Variants in CCAR1 observed in about 807,000 individuals in gnomAD.
CCAR1 encodes the protein cell division cycle and apoptosis regulator 1.
In CCAR1, 78 loss-of-function variants were observed where a neutral mutation model predicts 163.8. That is an observed-to-expected ratio of 0.48 (90% CI 0.40 to 0.57). The LOEUF is 0.57. Among genes scored for constraint, CCAR1 ranks in the 20% least tolerant of loss-of-function variants. CCAR1 has a pLI of 0.00. For synonymous variants in CCAR1, 443 were observed against 460.7 expected, an observed-to-expected ratio of 0.96 and a Z score of 0.49; for missense variants, 1,019 against 1,365.2, an observed-to-expected ratio of 0.75 and a Z score of 4.00.
chr10:68,763,468 G>A (rs1451279694), intron 16 of CCAR1, among the ~76,000 whole-genome samples: 1 of 151,666 alleles, frequency 6.6e-6, no homozygotes, highest in Admixed American at 6.6e-5. Flanking sequence ...TATTTTTTGA[G>A]ACGGAGTCTC....
intron 13 of CCAR1, among the ~76,000 whole-genome samples, chr10:68,755,852 C>CATAT (rs199849483): frequency 0.023 from 3,477 of 152,304 alleles, 52 homozygotes; most frequent in Middle Eastern, 0.044. Context: ...AACTTCATTT[C>CATAT]ATTATAATTC....
intron 17 of CCAR1, among the ~76,000 whole-genome samples, chr10:68,768,032 T>C (rs1355314330): frequency 6.6e-6 from 1 of 152,246 alleles, no homozygotes; most frequent in Non-Finnish European, 1.5e-5. Flanking sequence ...ACATATCTTA[T>C]GTTCTTTTAT....
At chr10:68,742,105 T>C (rs558618728) in intron 5 of CCAR1, among the ~76,000 whole-genome samples, 1 of 152,328 alleles carries the variant, frequency 6.6e-6, no homozygotes, top group Admixed American at 6.5e-5. Flanking sequence ...TGAGGAATGC[T>C]GAGTTCCTTT....
chr10:68,740,887 A>AT (rs775982200), intron 5 of CCAR1, among the ~76,000 whole-genome samples: 1 of 114,724 alleles, frequency 8.7e-6, no homozygotes, highest in African/African-American at 3.7e-5. Context: ...GTTTTATTTT[A>AT]TTTATTTATT....
In CCAR1 at chr10:68,726,296, C is replaced by T. The variant is rs897800765; in HGVS notation, c.73+3719C>T. Among the ~76,000 whole-genome samples, 11 of 151,980 alleles carry T rather than the reference C, an allele frequency of 7.2e-5. No homozygotes were observed. In the South Asian group the frequency reaches 1.7e-3, roughly 23 times the overall value. On this transcript the variant is annotated intron_variant, in intron 2 of 24. Coordinates refer to ENST00000265872, the MANE Select transcript of CCAR1 (RefSeq NM_018237.4). Reference sequence around the variant, plus strand: ...CCTCCCAAGTAGCTGGGACTATAGGCGTGTGGCAGCAAGCCCGGCTGATTT... The same window carrying T: ...CCTCCCAAGTAGCTGGGACTATAGGTGTGTGGCAGCAAGCCCGGCTGATTT...
chr10:68,730,635 C>T (rs1405601033), intron 2 of CCAR1, among the ~76,000 whole-genome samples: 1 of 151,864 alleles, frequency 6.6e-6, no homozygotes, highest in East Asian at 1.9e-4. Flanking sequence ...CGCACCCAGC[C>T]AAAAAAGAAC....
intron 17 of CCAR1, among the ~76,000 whole-genome samples, chr10:68,768,348 G>T (rs182662197): frequency 2.0e-5 from 3 of 151,598 alleles, no homozygotes; most frequent in African/African-American, 7.3e-5. Context: ...AGTGGCTCAT[G>T]CCTGTAATCA....
chr10:68,722,470 GACAA>G lies in CCAR1; in HGVS notation c.-30_-27del, dbSNP rs1564524687. ...TTCTTGATAGATCGATGCTATAGAAGACAAACAAGGGAAGGTTTTTTTTCCTTTT... is the reference window on the plus strand; with the variant it reads ...TTCTTGATAGATCGATGCTATAGAAGACAAGGGAAGGTTTTTTTTCCTTTT... On this transcript the variant is annotated 5_prime_UTR_variant, in exon 2 of 25. Transcript: ENST00000265872. The G allele has an allele frequency of 6.4e-7, 1 of 1,562,126 alleles. No individual in the cohort carries two copies. Among genetic ancestry groups the G allele is most frequent in the South Asian group, 1.1e-5 (1 of 89,946 alleles).
chr10:68,742,529 A>T lies in CCAR1; in HGVS notation c.478A>T (p.Thr160Ser), dbSNP rs1028220290. 4.0e-5 allele frequency: 65 copies of T among 1,613,942 alleles called. No homozygotes were observed. The highest frequency in any genetic ancestry group is 5.3e-5 in the Non-Finnish European group (62 of 1,179,958). ...AGGGGTGGTTACAAAACTACATGAT[A>T]CGTTTGGATTTGTGGATGAAGATGT... ...FTGVVTKLHD[T>S]FGFVDEDVFF... Residue 160 changes from threonine (T) to serine (S), a missense_variant, in exon 6 of 25, where the codon ACG becomes TCG. Transcript: ENST00000265872.
At chr10:68,779,140 G>A (rs1389900632) in intron 19 of CCAR1, among the ~76,000 whole-genome samples, 1 of 151,784 alleles carries the variant, frequency 6.6e-6, no homozygotes, top group Non-Finnish European at 1.5e-5. Flanking sequence ...ACTGTGCCTG[G>A]CTGAGACTAC....
Position 68,772,757 on chromosome 10 carries a change from CAA to C in CCAR1, c.2539-219_2539-218del, listed in dbSNP as rs33999647. ...TGGGCGACAGAGCCAGACTCCATCT[CAA>C]AAAAAAAAAAACCATATATATATGT... On this transcript the variant is annotated intron_variant, in intron 18 of 24. Transcript: ENST00000265872. Among the ~76,000 whole-genome samples the C allele has an allele frequency of 7.6e-5, 9 of 117,736 alleles. No individual in the cohort carries two copies. The South Asian group carries it at 1.3e-3, about 17-fold the overall frequency. The allele number at this position is 117,736 out of a possible 152,430, so 77.2% of individuals were successfully genotyped here.
chr10:68,749,480 A>G (rs765846105), intron 9 of CCAR1, 44 bp from the exon 10 acceptor site: 10 of 1,497,922 alleles, frequency 6.7e-6, no homozygotes, highest in South Asian at 6.0e-5. Flanking sequence ...GAGCTTTTCC[A>G]TAATATTAGA....
At chr10:68,767,201 C>A (rs745961683) in intron 17 of CCAR1, among the ~76,000 whole-genome samples, 5 of 152,006 alleles carry the variant, frequency 3.3e-5, no homozygotes, top group Non-Finnish European at 5.9e-5. Context: ...ATTTAACTTG[C>A]GTTTGAGTTG....
Position 68,773,053 on chromosome 10 carries a change from T to A in CCAR1, c.2604T>A (p.Asp868Glu). The A allele has an allele frequency of 6.4e-7, 1 of 1,567,534 alleles. No individual in the cohort carries two copies. Among genetic ancestry groups the A allele is most frequent in the Non-Finnish European group, 8.7e-7 (1 of 1,152,160 alleles). Residue 868 changes from aspartate to glutamate, a missense_variant, in exon 19 of 25, where the codon GAT becomes GAA. Physicochemically the swap from Asp to Glu is conservative, Grantham distance 45 (BLOSUM62 2). Transcript: ENST00000265872. The stretch of plus-strand genomic sequence containing the variant: ...AAACTGAAGAAGATAACAATCAAGA[T>A]GAATATGACCCTATGGAAGCAGAAG... ...DDETEEDNNQ[D>E]EYDPMEAEEA...
intron 8 of CCAR1, among the ~76,000 whole-genome samples, chr10:68,748,647 G>A (rs973247600): frequency 7.9e-5 from 12 of 151,688 alleles, no homozygotes; most frequent in Non-Finnish European, 1.3e-4. Context: ...GCGCCACCCC[G>A]CCAGCCTAAT....
At chr10:68,746,375 C>T (rs886569733) in intron 6 of CCAR1, among the ~76,000 whole-genome samples, 3 of 152,054 alleles carry the variant, frequency 2.0e-5, no homozygotes, top group African/African-American at 4.8e-5. Context: ...CTCTCGGGTA[C>T]AGGCGATTCG....
At chr10:68,726,489 C>T (rs1257371985) in intron 2 of CCAR1, among the ~76,000 whole-genome samples, 2 of 152,144 alleles carry the variant, frequency 1.3e-5, no homozygotes, top group East Asian at 1.9e-4. Context: ...ATCCACAGTG[C>T]TTACCATAGA....
intron 8 of CCAR1, 120 bp from the exon 9 acceptor site, chr10:68,749,016 C>T (rs193073799): frequency 2.0e-5 from 24 of 1,216,834 alleles, no homozygotes; most frequent in Non-Finnish European, 2.6e-5. Flanking sequence ...ATTAGGCCAA[C>T]TTTGAAAAAA....
chr10:68,742,159 A>G (rs1262466721), intron 5 of CCAR1, among the ~76,000 whole-genome samples: 1 of 152,164 alleles, frequency 6.6e-6, no homozygotes, highest in Non-Finnish European at 1.5e-5. Flanking sequence ...GCCAGTATGG[A>G]TATTGTATTA....
Sources: allele counts gnomAD v4.1 joint callset (sites outside exome capture counted in the v4.1 genomes callset), GRCh38; gene constraint gnomAD v4.1.1; transcripts MANE v1.5; gene names NCBI Gene and HGNC (gene_info 2026-07-23, HGNC 2026-07-21).